Variants in FARS2 observed in about 807,000 individuals in gnomAD.
The protein encoded by FARS2 is phenylalanyl-tRNA synthetase 2, mitochondrial, also known as phenylalanine--tRNA ligase, mitochondrial.
FARS2 carries 40 observed loss-of-function variants against 46.4 expected under a neutral mutation model. The ratio of observed to expected loss-of-function variants is 0.86; its 90% confidence interval spans 0.67 to 1.12. The LOEUF is 1.12. Among genes scored for constraint, FARS2 ranks in the 50% most tolerant of loss-of-function variants. The pLI is 0.00. For synonymous variants in FARS2, 234 were observed against 214.9 expected, an observed-to-expected ratio of 1.09 and a Z score of -0.78; for missense variants, 513 against 567.9, an observed-to-expected ratio of 0.90 and a Z score of 0.98.
chr6:5,679,501 T>A (rs2150829444), intron 6 of FARS2, among the ~76,000 whole-genome samples: 1 of 152,266 alleles, frequency 6.6e-6, no homozygotes, highest in East Asian at 1.9e-4. Flanking sequence ...AAGACCCTCC[T>A]CCATCACCCC....
intron 4 of FARS2, among the ~76,000 whole-genome samples, chr6:5,524,675 G>A (rs146868682): frequency 2.6e-5 from 4 of 152,294 alleles, no homozygotes; most frequent in East Asian, 3.9e-4. Flanking sequence ...TAGGAGGTAA[G>A]TACTGCCAAT....
intron 4 of FARS2, among the ~76,000 whole-genome samples, chr6:5,528,227 A>T (rs1194695575): frequency 6.6e-6 from 1 of 151,624 alleles, no homozygotes; most frequent in Non-Finnish European, 1.5e-5. Flanking sequence ...TGGAGGTTTC[A>T]CTCTGTTGCC....
At chr6:5,266,473 C>T (rs744758) in intron 1 of FARS2, among the ~76,000 whole-genome samples, 62,729 of 151,604 alleles carry the variant, frequency 0.41, 15,384 homozygotes, top group East Asian at 0.81. Context: ...TGAGGCCAGC[C>T]TGGGTAACAT....
chr6:5,737,607 A>G (rs1410432738), intron 6 of FARS2, among the ~76,000 whole-genome samples: 1 of 152,208 alleles, frequency 6.6e-6, no homozygotes, highest in Non-Finnish European at 1.5e-5. Context: ...GGCAGATGGC[A>G]TTGGTCAGCT....
At chr6:5,650,085 G>T (rs1242752480) in intron 6 of FARS2, among the ~76,000 whole-genome samples, 2 of 151,968 alleles carry the variant, frequency 1.3e-5, no homozygotes, top group Non-Finnish European at 2.9e-5. Context: ...TCTAACTAAG[G>T]TCAGAGGACC....
At chr6:5,735,322 C>T (rs942328048) in intron 6 of FARS2, among the ~76,000 whole-genome samples, 3 of 152,236 alleles carry the variant, frequency 2.0e-5, no homozygotes, top group South Asian at 2.1e-4. Context: ...GCTATTTCCA[C>T]GTCATTTTCC....
intron 4 of FARS2, among the ~76,000 whole-genome samples, chr6:5,464,172 A>G (rs1406922592): frequency 2.0e-5 from 3 of 152,276 alleles, no homozygotes; most frequent in Non-Finnish European, 4.4e-5. Flanking sequence ...AAGGAAAGTT[A>G]GTCCCTGTTA....
intron 4 of FARS2, among the ~76,000 whole-genome samples, chr6:5,524,798 C>A (rs1769360159): frequency 6.6e-6 from 1 of 152,178 alleles, no homozygotes; most frequent in Non-Finnish European, 1.5e-5. Context: ...AGGGTCTGTG[C>A]TCTTAACTCG....
Position 5,527,416 on chromosome 6 carries a change from A to T in FARS2, c.905-17764A>T, listed in dbSNP as rs114602991. Among the ~76,000 whole-genome samples, 874 of 152,300 alleles carry T rather than the reference A, an allele frequency of 5.7e-3. 17 individuals carry two copies. Among genetic ancestry groups the T allele is most frequent in the African/African-American group, 0.02 (843 of 41,556 alleles). On this transcript the variant is annotated intron_variant, in intron 4 of 6. Coordinates refer to ENST00000274680, the MANE Select transcript of FARS2 (RefSeq NM_006567.5). ...TACTGTAGTGAACTCACTAAACTCT[A>T]GTTAGCTTTCTACTTGTGGCCTAGT...
intron 4 of FARS2, among the ~76,000 whole-genome samples, chr6:5,482,406 A>T (rs1766520204): frequency 6.6e-6 from 1 of 152,218 alleles, no homozygotes; most frequent in Non-Finnish European, 1.5e-5. Flanking sequence ...GAACTCTACA[A>T]ATGCCCACTT....
intron 4 of FARS2, among the ~76,000 whole-genome samples, chr6:5,525,400 A>G (rs895890008): frequency 3.9e-5 from 6 of 152,194 alleles, no homozygotes; most frequent in Admixed American, 3.3e-4. Flanking sequence ...CCCCTTCAGG[A>G]CTGTGTTGCG....
At chr6:5,320,872 C>T (rs990899396) in intron 1 of FARS2, among the ~76,000 whole-genome samples, 4 of 152,206 alleles carry the variant, frequency 2.6e-5, no homozygotes, top group Non-Finnish European at 5.9e-5. Flanking sequence ...ATGGCACTTT[C>T]TACCTGTGCC....
At chr6:5,639,978 G>C (rs765491581) in intron 6 of FARS2, among the ~76,000 whole-genome samples, 3 of 152,258 alleles carry the variant, frequency 2.0e-5, no homozygotes, top group South Asian at 4.1e-4. Flanking sequence ...GGTGGGTTTC[G>C]GAAAAACGTT....
intron 6 of FARS2, among the ~76,000 whole-genome samples, chr6:5,671,462 G>C (rs541665972): frequency 6.6e-6 from 1 of 152,164 alleles, no homozygotes; most frequent in Non-Finnish European, 1.5e-5. Flanking sequence ...TGTTTCTGCC[G>C]GAACTTCCTG....
At chr6:5,297,111 G>A (rs899979907) in intron 1 of FARS2, among the ~76,000 whole-genome samples, 7 of 152,288 alleles carry the variant, frequency 4.6e-5, no homozygotes, top group East Asian at 3.9e-4. Context: ...TTACAACAGC[G>A]GAGGAAGGGT....
In FARS2 at chr6:5,499,276, CTT is replaced by C. The variant is rs557473920; in HGVS notation, c.905-45901_905-45900del. 6.1e-4 allele frequency among the ~76,000 whole-genome samples: 93 copies of C among 152,260 alleles called. 1 individual carries two copies. In the South Asian group the frequency reaches 0.013, roughly 21 times the overall value. ...GTGGACATTTTTTTCTGGATGAAGT[CTT>C]TTGGGAGTAGAAAGAAGGGAAGCAA... On this transcript the variant is annotated intron_variant, in intron 4 of 6. Transcript: ENST00000274680.
chr6:5,262,122 C>T (rs1007888147), intron 1 of FARS2, among the ~76,000 whole-genome samples: 22 of 152,210 alleles, frequency 1.4e-4, no homozygotes, highest in Admixed American at 1.4e-3. Flanking sequence ...GCGAGAAGTA[C>T]GTTATGCGTG....
intron 3 of FARS2, among the ~76,000 whole-genome samples, chr6:5,414,860 G>T (rs1241548071): frequency 3.0e-5 from 4 of 135,048 alleles, no homozygotes; most frequent in Admixed American, 8.3e-5. Flanking sequence ...CTGTCACCCA[G>T]GCTTGAGTGC....
intron 6 of FARS2, among the ~76,000 whole-genome samples, chr6:5,688,945 G>A (rs568929462): frequency 5.9e-5 from 9 of 152,136 alleles, no homozygotes; most frequent in African/African-American, 1.4e-4. Context: ...TGTATGTGTC[G>A]AGGAATTTAT....
Sources: allele counts gnomAD v4.1 joint callset (sites outside exome capture counted in the v4.1 genomes callset), GRCh38; gene constraint gnomAD v4.1.1; transcripts MANE v1.5; gene names NCBI Gene and HGNC (gene_info 2026-07-23, HGNC 2026-07-21).